GABRA4: variants seen among roughly 807,000 people sequenced by gnomAD.
GABRA4 encodes the protein gamma-aminobutyric acid type A receptor subunit alpha4.
Under a neutral mutation model 49.7 loss-of-function variants are expected in GABRA4, and 12 were observed. That is an observed-to-expected ratio of 0.24 (90% CI 0.15 to 0.39). GABRA4 has a LOEUF of 0.39. Ranked by LOEUF, GABRA4 falls within the 10% of genes least tolerant of loss-of-function variation. GABRA4 has a pLI of 1.00. For synonymous variants in GABRA4, 288 were observed against 240.2 expected (o/e 1.20, Z -1.84); for missense variants, 506 against 686.0 (o/e 0.74, Z 2.93).
chr4:46,993,031 T>C, intron 1 of GABRA4, 85 bp from the exon 2 acceptor site: 1 of 1,060,956 alleles, frequency 9.4e-7, no homozygotes, highest in Non-Finnish European at 1.4e-6. Flanking sequence ...GTTTGTTTTC[T>C]AGGGAAAGAG....
chr4:46,942,054 A>T (rs1721818607), intron 8 of GABRA4, among the ~76,000 whole-genome samples: 2 of 152,186 alleles, frequency 1.3e-5, no homozygotes, highest in Non-Finnish European at 2.9e-5. Context: ...TCTTAAAGGC[A>T]TAACATACTT....
rs1272416281 is a variant in GABRA4 at position 46,924,228 on chromosome 4, T to A, written c.*3997A>T. Reference sequence around the variant, plus strand: ...TATTATTACTACTGATTCTATTAATTTATTTAAAATTTGTATATTCTGTTC... The same window carrying A: ...TATTATTACTACTGATTCTATTAATATATTTAAAATTTGTATATTCTGTTC... On this transcript the variant is annotated 3_prime_UTR_variant, in exon 9 of 9. Transcript: ENST00000264318. The A allele has an allele frequency of 1.3e-5, 2 of 152,092 alleles. No homozygotes were observed. The highest frequency in any genetic ancestry group is 4.8e-5 in the African/African-American group (2 of 41,438). The allele number at this position is 152,092 out of a possible 1,614,324, so 9.4% of individuals were successfully genotyped here.
At chr4:46,953,471 T>C (rs752211342) in intron 8 of GABRA4, among the ~76,000 whole-genome samples, 6 of 152,194 alleles carry the variant, frequency 3.9e-5, no homozygotes, top group Non-Finnish European at 8.8e-5. Flanking sequence ...AATATGTTGA[T>C]GCACATAAAA....
Position 46,975,187 on chromosome 4 carries a change from A to G in GABRA4, c.578-812T>C, listed in dbSNP as rs1877402. ...AAGAACCAAAATGAATTGTGTGCCA[A>G]CCTCCCTCCAAACCATCCTAAAATG... On this transcript the variant is annotated intron_variant, in intron 5 of 8. Coordinates refer to ENST00000264318, the MANE Select transcript of GABRA4 (RefSeq NM_000809.4). Among the ~76,000 whole-genome samples the G allele has an allele frequency of 9.5e-3, 1,441 of 151,638 alleles. 13 individuals are homozygous for G. The highest frequency in any genetic ancestry group is 0.033 in the African/African-American group (1,355 of 41,398).
At position 46,922,092 on chromosome 4, in the gene GABRA4, C is replaced by A. The variant is rs927949275; in HGVS notation, c.*6133G>T. ...GAATGTAGAGGTAAAGATAAAAATTCTGATAGACTATATTTGAGAGTTGTG... is the reference window on the plus strand; with the variant it reads ...GAATGTAGAGGTAAAGATAAAAATTATGATAGACTATATTTGAGAGTTGTG... On this transcript the variant is annotated 3_prime_UTR_variant, in exon 9 of 9. Coordinates refer to ENST00000264318, the MANE Select transcript of GABRA4 (RefSeq NM_000809.4). 6.6e-6 allele frequency: 1 copy of A among 151,984 alleles called. No homozygotes were observed. The highest frequency in any genetic ancestry group is 2.4e-5 in the African/African-American group (1 of 41,380). 9.4% of individuals were successfully genotyped at this position (151,984 alleles called of 1,614,324 possible). A position where few individuals can be genotyped will look rare whatever the true frequency, so the allele number is the denominator to read the frequency against.
rs1396655987 is a variant in GABRA4, at chr4:46,919,126, G to A, written c.*9099C>T. On this transcript the variant is annotated 3_prime_UTR_variant, in exon 9 of 9. Coordinates refer to ENST00000264318, the MANE Select transcript of GABRA4 (RefSeq NM_000809.4). ...AATAATTCTACAATGCTATGCTCTAGTATAAACTTTGTTTTAAGAAGCAAA... is the reference window on the plus strand; with the variant it reads ...AATAATTCTACAATGCTATGCTCTAATATAAACTTTGTTTTAAGAAGCAAA... 6.6e-6 allele frequency: 1 copy of A among 151,466 alleles called. No homozygotes were observed. The highest frequency in any genetic ancestry group is 1.5e-5 in the Non-Finnish European group (1 of 67,548). The allele number at this position is 151,466 out of a possible 1,614,324, so 9.4% of individuals were successfully genotyped here. A position where few individuals can be genotyped will look rare whatever the true frequency, so the allele number is the denominator to read the frequency against.
rs1723863026 is a variant in GABRA4, at chr4:46,993,574, G to A, written c.-150C>T. 15 of 745,784 alleles carry A rather than the reference G, an allele frequency of 2.0e-5. No individual in the cohort carries two copies. The highest frequency in any genetic ancestry group is 1.4e-4 in the East Asian group (5 of 36,628). 46.2% of individuals were successfully genotyped at this position (745,784 alleles called of 1,614,324 possible). ...GCGCTCAGCCAGCCCGAGCCGCGGTGGGCGTGTGTGTGCACGGGGCCAGGG... is the reference window on the plus strand; with the variant it reads ...GCGCTCAGCCAGCCCGAGCCGCGGTAGGCGTGTGTGTGCACGGGGCCAGGG... On this transcript the variant is annotated 5_prime_UTR_variant, in exon 1 of 9. Transcript: ENST00000264318.
At chr4:46,991,172 C>T (rs11727160) in intron 2 of GABRA4, among the ~76,000 whole-genome samples, 8,549 of 150,164 alleles carry the variant, frequency 0.057, 337 homozygotes, top group South Asian at 0.18. Context: ...AGTGACAGAG[C>T]GAGACTCCAT....
intron 8 of GABRA4, among the ~76,000 whole-genome samples, chr4:46,945,661 T>G (rs750014799): frequency 6.6e-6 from 1 of 152,036 alleles, no homozygotes; most frequent in South Asian, 2.1e-4. Context: ...AGAGAGGACA[T>G]AGTAAAATAA....
In GABRA4 at chr4:46,993,474, G is replaced by A. The variant is rs185788923; in HGVS notation, c.-50C>T. ...CCTGTTCACGTTTCCAGGCTCTTCA[G>A]ATGCCCTGAGCAGGGTGCGAGGAGA... On this transcript the variant is annotated 5_prime_UTR_variant, in exon 1 of 9. Coordinates refer to ENST00000264318, the MANE Select transcript of GABRA4 (RefSeq NM_000809.4). 1 of 1,584,512 alleles carries A rather than the reference G, an allele frequency of 6.3e-7. No individual in the cohort carries two copies. The highest frequency in any genetic ancestry group is 8.7e-7 in the Non-Finnish European group (1 of 1,153,516).
intron 8 of GABRA4, among the ~76,000 whole-genome samples, chr4:46,961,595 A>G (rs929750787): frequency 1.3e-5 from 2 of 151,934 alleles, no homozygotes; most frequent in Admixed American, 6.6e-5. Flanking sequence ...GAATGAGTGA[A>G]TAAATCAATT....
intron 8 of GABRA4, among the ~76,000 whole-genome samples, chr4:46,947,623 T>A (rs1722026713): frequency 6.6e-6 from 1 of 151,670 alleles, no homozygotes; most frequent in Non-Finnish European, 1.5e-5. Context: ...AGAAACATAT[T>A]TATTGAGCAC....
At chr4:46,964,850 T>C (rs1722696605) in intron 8 of GABRA4, 120 bp downstream of exon 8, 14 of 1,090,574 alleles carry the variant, frequency 1.3e-5, no homozygotes, top group East Asian at 2.5e-5. Context: ...TGTTTTTCTG[T>C]ATTTTTAAAT....
chr4:46,962,153 C>T (rs2109371297), intron 8 of GABRA4, among the ~76,000 whole-genome samples: 1 of 151,912 alleles, frequency 6.6e-6, no homozygotes, highest in South Asian at 2.1e-4. Context: ...CAGGCACAGG[C>T]CCCACCCTGC....
At chr4:46,937,147 C>G (rs922112565) in intron 8 of GABRA4, among the ~76,000 whole-genome samples, 1 of 152,136 alleles carries the variant, frequency 6.6e-6, no homozygotes, top group Non-Finnish European at 1.5e-5. Flanking sequence ...AAAAGAAATA[C>G]CAGGTTTCTC....
chr4:46,948,052 C>A (rs949405125), intron 8 of GABRA4, among the ~76,000 whole-genome samples: 2 of 152,088 alleles, frequency 1.3e-5, no homozygotes, highest in African/African-American at 2.4e-5. Flanking sequence ...TTACTGCATC[C>A]TTTTACTTAC....
chr4:46,947,956 G>A (rs920083786), intron 8 of GABRA4, among the ~76,000 whole-genome samples: 1 of 152,076 alleles, frequency 6.6e-6, no homozygotes, highest in Admixed American at 6.6e-5. Context: ...CCCAGAAGAT[G>A]TCCTCACTCC....
chr4:46,982,824 T>G (rs1723404489), intron 2 of GABRA4, among the ~76,000 whole-genome samples: 1 of 152,078 alleles, frequency 6.6e-6, no homozygotes. Context: ...TCTAAGAGAC[T>G]GCCATGTTGT....
In GABRA4 at chr4:46,977,160, A is replaced by G; in HGVS notation, c.495-17T>C. ...ATGGTGAGTCTATGATGAAAAATGC[A>G]ATTAAATAAAATCAACCCTTTTAAA... On this transcript the variant is annotated splice_polypyrimidine_tract_variant and intron_variant, in intron 4 of 8. Transcript: ENST00000264318. 3 of 1,500,054 alleles carry G rather than the reference A, an allele frequency of 2.0e-6. No homozygotes were observed. Among genetic ancestry groups the G allele is most frequent in the Non-Finnish European group, 2.8e-6 (3 of 1,088,702 alleles). The allele number at this position is 1,500,054 out of a possible 1,614,324, so 92.9% of individuals were successfully genotyped here.
Sources: gnomAD v4.1 joint callset for allele counts (sites outside exome capture counted in the v4.1 genomes callset) on GRCh38, gnomAD v4.1.1 for gene constraint, MANE v1.5 for transcripts, NCBI Gene and HGNC (gene_info 2026-07-23, HGNC 2026-07-21) for gene names.